The following PATJ variants were observed in gnomAD, a reference collection of about 807,000 sequenced individuals.
PATJ encodes PATJ crumbs cell polarity complex component, also known as inaD-like protein.
A neutral mutation model predicts 224.9 loss-of-function variants in PATJ; 190 were observed. That is an observed-to-expected ratio of 0.84 (90% confidence interval 0.75 to 0.95). The LOEUF is 0.95. PATJ is among the 40% of genes least tolerant of loss of function. PATJ has a pLI of 0.00. For synonymous variants in PATJ, 769 were observed against 820.3 expected (o/e 0.94, Z 1.07); for missense variants, 2,121 against 2,270.3 (o/e 0.93, Z 1.34).
At chr1:61,967,586 T>A (rs1038874456) in intron 27 of PATJ, among the ~76,000 whole-genome samples, 1 of 152,228 alleles carries the variant, frequency 6.6e-6, no homozygotes, top group Non-Finnish European at 1.5e-5. Context: ...CAAGCTGCTG[T>A]TCTTGAGCAG....
intron 24 of PATJ, among the ~76,000 whole-genome samples, chr1:61,905,180 T>C (rs761229933): frequency 2.0e-5 from 3 of 152,240 alleles, no homozygotes; most frequent in South Asian, 4.1e-4. Flanking sequence ...AACTCCAAGA[T>C]CAAGGCATTG....
intron 33 of PATJ, among the ~76,000 whole-genome samples, chr1:62,094,217 A>G (rs1433131251): frequency 6.6e-6 from 1 of 152,028 alleles, no homozygotes; most frequent in Non-Finnish European, 1.5e-5. Context: ...CAACATAGTA[A>G]GACCCTGTCT....
chr1:61,787,544 T>C (rs1035821869), intron 7 of PATJ, among the ~76,000 whole-genome samples: 6 of 152,214 alleles, frequency 3.9e-5, no homozygotes, highest in Admixed American at 3.9e-4. Context: ...ACTGATTACT[T>C]TTCTCATTTT....
intron 17 of PATJ, among the ~76,000 whole-genome samples, chr1:61,835,323 A>G (rs1659996242): frequency 6.6e-6 from 1 of 152,154 alleles, no homozygotes; most frequent in African/African-American, 2.4e-5. Context: ...TAGAACCACT[A>G]GGTGGTTAAT....
chr1:61,802,878 G>T (rs138347424), intron 12 of PATJ, among the ~76,000 whole-genome samples: 3 of 151,986 alleles, frequency 2.0e-5, no homozygotes, highest in Non-Finnish European at 4.4e-5. Context: ...GGAAAGCCTC[G>T]CCAGCTAAAT....
intron 15 of PATJ, among the ~76,000 whole-genome samples, chr1:61,824,370 T>G (rs1345235953): frequency 6.6e-6 from 1 of 151,030 alleles, no homozygotes; most frequent in East Asian, 1.9e-4. Flanking sequence ...CGGTCCACTT[T>G]TTTTTTTTTT....
At chr1:61,883,715 G>C (rs10889264) in intron 21 of PATJ, among the ~76,000 whole-genome samples, 147,316 of 149,562 alleles carry the variant, frequency 0.98, 72,588 homozygotes, top group East Asian at 1. Flanking sequence ...AAGATCACAC[G>C]ACTGCACTCC....
rs778229768 is a variant in PATJ at position 62,128,826 on chromosome 1, T to A, written c.5167-15T>A. On this transcript the variant is annotated splice_polypyrimidine_tract_variant and intron_variant, in intron 40 of 43. Transcript: ENST00000642238. Reference sequence around the variant, plus strand: ...TCTTAATGATAGTGATTTTCTGTCATTTTTGTACTTCCAGGTTGGAGATCG... The same window carrying A: ...TCTTAATGATAGTGATTTTCTGTCAATTTTGTACTTCCAGGTTGGAGATCG... 32 of 1,557,472 alleles carry A rather than the reference T, an allele frequency of 2.1e-5. No individual in the cohort carries two copies. In the Admixed American group the frequency reaches 4.5e-4, roughly 22 times the overall value.
At chr1:62,097,034 C>T (rs567635844) in intron 33 of PATJ, among the ~76,000 whole-genome samples, 2 of 152,152 alleles carry the variant, frequency 1.3e-5, no homozygotes, top group Non-Finnish European at 2.9e-5. Flanking sequence ...TGGCATATAA[C>T]CCCATCTCAT....
chr1:62,079,659 C>G lies in PATJ; in HGVS notation c.4243+92C>G. 9.9e-6 allele frequency: 8 copies of G among 805,040 alleles called. No homozygotes were observed. In the South Asian group the frequency reaches 1.3e-4, roughly 13 times the overall value. The allele number at this position is 805,040 out of a possible 1,614,324, so 49.9% of individuals were successfully genotyped here. A position where few individuals can be genotyped will look rare whatever the true frequency, so the allele number is the denominator to read the frequency against. On this transcript the variant is annotated intron_variant, in intron 32 of 43. Transcript: ENST00000642238. ...CTAAAACGAGAACTGGACCAGGAGG[C>G]AGAAGTCTGACTCTGGATACTTCCT...
intron 39 of PATJ, among the ~76,000 whole-genome samples, chr1:62,125,055 G>A (rs1345102420): frequency 2.6e-5 from 4 of 151,718 alleles, no homozygotes; most frequent in Non-Finnish European, 5.9e-5. Context: ...GGGAAACTCC[G>A]TCTCTACAAA....
chr1:61,943,710 C>T (rs1288687821), intron 27 of PATJ, among the ~76,000 whole-genome samples: 1 of 152,172 alleles, frequency 6.6e-6, no homozygotes, highest in South Asian at 2.1e-4. Flanking sequence ...CTTAAACGTC[C>T]GTGTCTGACA....
intron 20 of PATJ, among the ~76,000 whole-genome samples, chr1:61,871,232 A>T (rs1392487763): frequency 6.8e-6 from 1 of 146,030 alleles, no homozygotes; most frequent in African/African-American, 2.5e-5. Context: ...TTTTTTTGAG[A>T]TGGAGTTTCA....
At chr1:61,972,866 A>ATG (rs71050186) in intron 27 of PATJ, among the ~76,000 whole-genome samples, 35,904 of 151,734 alleles carry the variant, frequency 0.24, 4,790 homozygotes, top group African/African-American at 0.34. Context: ...TGACTTCACC[A>ATG]TGTACCTATT....
At chr1:62,069,054 C>CACTGCCGTGGCT (rs1656965650) in intron 31 of PATJ, among the ~76,000 whole-genome samples, 2 of 152,172 alleles carry the variant, frequency 1.3e-5, no homozygotes, top group Admixed American at 1.3e-4. Context: ...GACCCAAGGT[C>CACTGCCGTGGCT]ACTGCCGTGG....
intron 27 of PATJ, among the ~76,000 whole-genome samples, chr1:61,984,164 A>ATT (rs779439336): frequency 0.056 from 7,375 of 132,032 alleles, 556 homozygotes; most frequent in East Asian, 0.36. Context: ...TATTATTATT[A>ATT]TTTTTTTTTT....
intron 27 of PATJ, among the ~76,000 whole-genome samples, chr1:61,958,695 G>T (rs1571506246): frequency 1.3e-5 from 2 of 152,182 alleles, no homozygotes; most frequent in African/African-American, 4.8e-5. Context: ...AGGAGAGATT[G>T]TGATCCCCAG....
intron 17 of PATJ, among the ~76,000 whole-genome samples, chr1:61,840,430 T>C (rs1429864195): frequency 6.6e-6 from 1 of 152,022 alleles, no homozygotes; most frequent in East Asian, 1.9e-4. Context: ...AAACCTTGGT[T>C]TTTCTTGTCC....
intron 18 of PATJ, among the ~76,000 whole-genome samples, chr1:61,861,247 A>G (rs1664480601): frequency 7.4e-6 from 1 of 134,258 alleles, no homozygotes; most frequent in African/African-American, 2.7e-5. Context: ...AAAGATGAGA[A>G]TCTGAAGAGT....
Sources: allele counts gnomAD v4.1 joint callset (sites outside exome capture counted in the v4.1 genomes callset), GRCh38; gene constraint gnomAD v4.1.1; transcripts MANE v1.5; gene names NCBI Gene and HGNC (gene_info 2026-07-23, HGNC 2026-07-21).